Variants in CALN1 observed in about 807,000 individuals in gnomAD.
CALN1 encodes the protein calneuron 1.
CALN1 carries 17 observed loss-of-function variants against 30.6 expected under a neutral mutation model. The observed-to-expected ratio is 0.56, with a 90% CI of 0.38 to 0.83. The LOEUF (loss-of-function observed/expected upper bound fraction) is 0.83, where lower values mean the gene tolerates loss of function less well. CALN1 is among the 40% of genes least tolerant of loss of function. The pLI is 0.00. For missense variants in CALN1, 291 were observed against 354.9 expected (o/e 0.82, Z 1.45); for synonymous variants, 156 against 131.4 (o/e 1.19, Z -1.28).
chr7:71,801,403 T>TGTAC, intron 6 of CALN1, among the ~76,000 whole-genome samples: 1 of 131,758 alleles, frequency 7.6e-6, no homozygotes, highest in African/African-American at 2.8e-5. Flanking sequence ...TATGTATGTA[T>TGTAC]GTATGTATGT....
At chr7:71,859,051 CT>C (rs911509275) in intron 5 of CALN1, among the ~76,000 whole-genome samples, 1 of 151,916 alleles carries the variant, frequency 6.6e-6, no homozygotes, top group African/African-American at 2.4e-5. Flanking sequence ...TGTCTTTTTT[CT>C]TTTTTTGTAT....
chr7:72,430,327 TATA>T (rs1807935229), intron 1 of CALN1, among the ~76,000 whole-genome samples: 1 of 148,430 alleles, frequency 6.7e-6, no homozygotes, highest in South Asian at 2.1e-4. Flanking sequence ...TTTTAACAGA[TATA>T]ATAATTATAT....
At chr7:72,459,754 A>G in the CALN1 span, among the ~76,000 whole-genome samples, 2 of 152,208 alleles carry the variant, frequency 1.3e-5, no homozygotes, top group Non-Finnish European at 2.9e-5. Flanking sequence ...CAATTTAAAG[A>G]AAAGGCAACC....
chr7:72,403,186 C>T (rs1806455640), intron 2 of CALN1, 65 bp downstream of exon 2: 4 of 1,320,160 alleles, frequency 3.0e-6, no homozygotes, highest in African/African-American at 2.9e-5. Flanking sequence ...CTGGACCCCG[C>T]GCCACCCCCT....
chr7:72,380,484 A>G (rs13234295), intron 2 of CALN1, among the ~76,000 whole-genome samples: 17 of 152,164 alleles, frequency 1.1e-4, no homozygotes, highest in Non-Finnish European at 2.1e-4. Context: ...TTAGCTGAGC[A>G]TGGTGGTGCG....
intron 3 of CALN1, among the ~76,000 whole-genome samples, chr7:72,136,483 G>A (rs1296391186): frequency 6.6e-6 from 1 of 152,152 alleles, no homozygotes; most frequent in Non-Finnish European, 1.5e-5. Flanking sequence ...TTTCTATCCA[G>A]ACCTCTAAAA....
chr7:72,024,948 G>C (rs1800957630), intron 4 of CALN1, among the ~76,000 whole-genome samples: 1 of 152,072 alleles, frequency 6.6e-6, no homozygotes, highest in Admixed American at 6.6e-5. Context: ...GATCTCATTA[G>C]GCAGAACTGG....
At chr7:72,446,348 A>T (rs1157498363) in intron 1 of CALN1, among the ~76,000 whole-genome samples, 1 of 152,248 alleles carries the variant, frequency 6.6e-6, no homozygotes, top group Non-Finnish European at 1.5e-5. Context: ...GCCAGGCTAG[A>T]GCAGATTCCT....
intron 1 of CALN1, 147 bp downstream of exon 1, chr7:72,411,911 C>A (rs921818137): frequency 6.6e-6 from 1 of 152,010 alleles, no homozygotes; most frequent in African/African-American, 2.4e-5. Flanking sequence ...TATCATAAAC[C>A]GATAAAGAAA....
intron 5 of CALN1, among the ~76,000 whole-genome samples, chr7:71,845,883 G>A (rs910147211): frequency 2.0e-5 from 3 of 151,988 alleles, no homozygotes; most frequent in Admixed American, 6.6e-5. Flanking sequence ...GTGAAACCCC[G>A]TCTTTACTAA....
At chr7:71,940,648 C>T (rs1382996334) in intron 5 of CALN1, among the ~76,000 whole-genome samples, 4 of 152,038 alleles carry the variant, frequency 2.6e-5, no homozygotes, top group South Asian at 2.1e-4. Flanking sequence ...TCACCCAGGC[C>T]GGGTTGGTGT....
intron 3 of CALN1, among the ~76,000 whole-genome samples, chr7:72,245,828 A>G (rs796706315): frequency 9.9e-5 from 15 of 152,252 alleles, no homozygotes; most frequent in African/African-American, 3.1e-4. Context: ...TCTTCTTTCA[A>G]TAGCGACTGT....
chr7:72,443,663 C>T (rs1808429346), intron 1 of CALN1, among the ~76,000 whole-genome samples: 1 of 151,754 alleles, frequency 6.6e-6, no homozygotes, highest in South Asian at 2.1e-4. Flanking sequence ...CATCATCCTC[C>T]CAGGATCCAC....
intron 3 of CALN1, among the ~76,000 whole-genome samples, chr7:72,188,312 A>T (rs1461609295): frequency 6.6e-6 from 1 of 152,198 alleles, no homozygotes; most frequent in Non-Finnish European, 1.5e-5. Context: ...TATATATCTC[A>T]GTTTACGTAT....
intron 2 of CALN1, among the ~76,000 whole-genome samples, chr7:72,373,911 AC>A (rs1171271147): frequency 2.0e-5 from 3 of 152,220 alleles, no homozygotes; most frequent in African/African-American, 7.2e-5. Context: ...GATTCACAGA[AC>A]TGTGGATTTC....
chr7:72,068,726 A>G (rs187762306), intron 4 of CALN1, among the ~76,000 whole-genome samples: 1 of 152,092 alleles, frequency 6.6e-6, no homozygotes, highest in Non-Finnish European at 1.5e-5. Context: ...CCTGGCCTCA[A>G]GTGATCTGCC....
At chr7:72,478,820 G>A in the CALN1 span, among the ~76,000 whole-genome samples, 111 of 151,716 alleles carry the variant, frequency 7.3e-4, 1 homozygote, top group Admixed American at 3.1e-3. Flanking sequence ...TTTAATTTGC[G>A]TGTCCCTAAA....
At chr7:72,173,891 T>G (rs1789154466) in intron 3 of CALN1, among the ~76,000 whole-genome samples, 1 of 139,542 alleles carries the variant, frequency 7.2e-6, no homozygotes. Flanking sequence ...ATTATCTAGA[T>G]AGCACACAAA....
intron 4 of CALN1, among the ~76,000 whole-genome samples, chr7:72,065,545 C>G (rs1476530535): frequency 6.6e-6 from 1 of 152,166 alleles, no homozygotes; most frequent in African/African-American, 2.4e-5. Flanking sequence ...CAAGCATCCC[C>G]AATCCCATCT....
Sources: allele counts gnomAD v4.1 joint callset (sites outside exome capture counted in the v4.1 genomes callset), GRCh38; gene constraint gnomAD v4.1.1; transcripts MANE v1.5; gene names NCBI Gene and HGNC (gene_info 2026-07-23, HGNC 2026-07-21).